The following NDUFAF6 variants were observed in gnomAD, a reference collection of about 807,000 sequenced individuals.
The protein encoded by NDUFAF6 is NADH dehydrogenase (ubiquinone) complex I, assembly factor 6.
In NDUFAF6, 45 loss-of-function variants were observed where a neutral mutation model predicts 40.8. That is an observed-to-expected ratio of 1.10 (90% CI 0.87 to 1.42). NDUFAF6 has a LOEUF of 1.42. Ranked by LOEUF, NDUFAF6 falls within the 40% of genes most tolerant of loss-of-function variation. NDUFAF6 has a pLI of 0.00. For missense variants in NDUFAF6, 435 were observed against 418.5 expected (o/e 1.04, Z -0.34); for synonymous variants, 185 against 155.9 (o/e 1.19, Z -1.39).
chr8:94,954,853 A>G (rs925390961), upstream of NDUFAF6, among the ~76,000 whole-genome samples: 1 of 152,224 alleles, frequency 6.6e-6, no homozygotes, highest in Non-Finnish European at 1.5e-5. Flanking sequence ...AGAAAGGCCC[A>G]CAGATCTCTG....
intron 1 of NDUFAF6, chr8:94,940,950 C>T (rs774305091): frequency 6.2e-7 from 1 of 1,605,590 alleles, no homozygotes; most frequent in Non-Finnish European, 8.5e-7. Context: ...ATTGTTAAGG[C>T]AAGACTGAGA....
intron 7 of NDUFAF6, among the ~76,000 whole-genome samples, chr8:95,049,232 T>C (rs940536192): frequency 5.3e-5 from 8 of 151,542 alleles, no homozygotes; most frequent in African/African-American, 2.0e-4. Flanking sequence ...TTTGACACCA[T>C]AGACGTCTCT....
chr8:94,990,722 C>T (rs1826154783), intron 2 of NDUFAF6, among the ~76,000 whole-genome samples: 1 of 152,208 alleles, frequency 6.6e-6, no homozygotes, highest in Non-Finnish European at 1.5e-5. Context: ...GAAAGGATTT[C>T]CTCATGACAG....
intron 1 of NDUFAF6, among the ~76,000 whole-genome samples, chr8:94,937,615 A>C (rs796763386): frequency 6.6e-5 from 10 of 152,236 alleles, no homozygotes; most frequent in African/African-American, 2.4e-4. Flanking sequence ...TAATGACTTT[A>C]ACTTTTTCTT....
At chr8:94,910,024 C>T (rs1032369515) in intron 1 of NDUFAF6, among the ~76,000 whole-genome samples, 2 of 151,094 alleles carry the variant, frequency 1.3e-5, no homozygotes, top group African/African-American at 4.9e-5. Context: ...AACTCATGTT[C>T]TCTCCTTCAT....
chr8:95,054,654 C>T (rs201602381), intron 8 of NDUFAF6, among the ~76,000 whole-genome samples: 5 of 151,722 alleles, frequency 3.3e-5, no homozygotes, highest in Non-Finnish European at 5.9e-5. Context: ...AGGCTGGTCT[C>T]GAATGCCTGA....
intron 2 of NDUFAF6, among the ~76,000 whole-genome samples, chr8:95,087,160 G>C (rs1321082709): frequency 6.6e-6 from 1 of 151,992 alleles, no homozygotes; most frequent in Non-Finnish European, 1.5e-5. Context: ...CACACACACA[G>C]GCGCTCTCAT....
intron 2 of NDUFAF6, among the ~76,000 whole-genome samples, chr8:94,981,177 A>G (rs1277675783): frequency 6.6e-6 from 1 of 152,178 alleles, no homozygotes; most frequent in Non-Finnish European, 1.5e-5. Flanking sequence ...TCTTGCAGTG[A>G]GTTCTTGTTC....
At chr8:94,939,036 A>G (rs1821265767) in intron 1 of NDUFAF6, among the ~76,000 whole-genome samples, 1 of 152,086 alleles carries the variant, frequency 6.6e-6, no homozygotes, top group South Asian at 2.1e-4. Context: ...CTGCTGGAGG[A>G]CTGTTTGCCT....
At chr8:94,997,339 CACACAG>C (rs1371173246) in intron 2 of NDUFAF6, among the ~76,000 whole-genome samples, 651 of 124,206 alleles carry the variant, frequency 5.2e-3, no homozygotes, top group Admixed American at 8.6e-3. Flanking sequence ...CACACACACA[CACACAG>C]AGAGAGAGAG....
intron 1 of NDUFAF6, among the ~76,000 whole-genome samples, chr8:94,896,919 G>A (rs1057201683): frequency 1.3e-5 from 2 of 152,212 alleles, no homozygotes; most frequent in Admixed American, 6.5e-5. Flanking sequence ...GACAGCATCA[G>A]GAGAAGCCCA....
In NDUFAF6 at chr8:95,058,612, G is replaced by C; in HGVS notation, c.*675G>C. ...TCCCACTTCCTCACTCTGTCATTCA[G>C]CATTATCATGATCGTGAACAAAATT... is the stretch of plus-strand genomic sequence containing the variant. On this transcript the variant is annotated 3_prime_UTR_variant, in exon 9 of 9. Transcript: ENST00000396124. The C allele has an allele frequency of 8.7e-7, 1 of 1,155,898 alleles. No homozygotes were observed. Among genetic ancestry groups the C allele is most frequent in the Non-Finnish European group, 1.1e-6 (1 of 940,942 alleles). The allele number at this position is 1,155,898 out of a possible 1,614,324, so 71.6% of individuals were successfully genotyped here.
intron 1 of NDUFAF6, among the ~76,000 whole-genome samples, chr8:94,901,891 G>A (rs771638572): frequency 6.6e-6 from 1 of 152,046 alleles, no homozygotes; most frequent in African/African-American, 2.4e-5. Flanking sequence ...AGCCTTTTAC[G>A]AAAAATTTTA....
intron 4 of NDUFAF6, 123 bp from the exon 5 acceptor site, chr8:95,045,422 T>C: frequency 1.4e-6 from 1 of 698,258 alleles, no homozygotes; most frequent in Admixed American, 2.3e-5. Flanking sequence ...TCTTATTGTG[T>C]ACTAAATAAC....
rs547812143 is a variant in NDUFAF6 at position 94,920,336 on chromosome 8, G to A, written c.-936+24409G>A. On this transcript the variant is annotated intron_variant, in intron 1 of 14. Coordinates refer to the NDUFAF6 transcript ENST00000396113. ...CACAGTTCTGGATGCTGTGAAGTTC[G>A]ATTTCAAGGTGCAGGCCAGATTTGG... Among the ~76,000 whole-genome samples, 7 of 152,290 alleles carry A rather than the reference G, an allele frequency of 4.6e-5. No individual in the cohort carries two copies. The East Asian group carries it at 7.7e-4, about 17-fold the overall frequency.
At chr8:95,107,132 G>A (rs1179230032), downstream of NDUFAF6, among the ~76,000 whole-genome samples, 1 of 152,110 alleles carries the variant, frequency 6.6e-6, no homozygotes, top group South Asian at 2.1e-4. Context: ...CCCATTACTG[G>A]GTATATACCC....
upstream of NDUFAF6, among the ~76,000 whole-genome samples, chr8:95,023,770 C>A (rs939574734): frequency 6.6e-6 from 1 of 152,088 alleles, no homozygotes; most frequent in Non-Finnish European, 1.5e-5. Flanking sequence ...CTGAGGTGGG[C>A]GGATCATGAG....
At chr8:95,074,796 C>T (rs1194422098) in intron 9 of NDUFAF6, among the ~76,000 whole-genome samples, 1 of 152,152 alleles carries the variant, frequency 6.6e-6, no homozygotes, top group Non-Finnish European at 1.5e-5. Flanking sequence ...TTTACTTCCT[C>T]ACTGGTTTCC....
At chr8:94,997,343 C>CAGAGAGAGAGAG (rs60911286) in intron 2 of NDUFAF6, among the ~76,000 whole-genome samples, 4 of 90,514 alleles carry the variant, frequency 4.4e-5, no homozygotes, top group South Asian at 4.7e-4. Flanking sequence ...CACACACACA[C>CAGAGAGAGAGAG]AGAGAGAGAG....
Sources: gnomAD v4.1 joint callset for allele counts (sites outside exome capture counted in the v4.1 genomes callset) on GRCh38, gnomAD v4.1.1 for gene constraint, MANE v1.5 for transcripts, NCBI Gene and HGNC (gene_info 2026-07-23, HGNC 2026-07-21) for gene names.